Variants in RIF1 observed in about 807,000 individuals in gnomAD.
RIF1 encodes the protein telomere-associated protein RIF1.
RIF1 carries 45 observed loss-of-function variants against 247.1 expected under a neutral mutation model. The observed-to-expected ratio is 0.18, with a 90% CI of 0.14 to 0.23. The LOEUF is 0.23. Among genes scored for constraint, RIF1 ranks in the 10% least tolerant of loss-of-function variants. The pLI, the probability that RIF1 is intolerant of heterozygous loss-of-function variation, is 1.00. For missense variants in RIF1, 2,967 were observed against 2,862.5 expected, an observed-to-expected ratio of 1.04 and a Z score of -0.83; for synonymous variants, 1,087 against 978.8, an observed-to-expected ratio of 1.11 and a Z score of -2.06.
At chr2:151,457,575 C>G (rs1168446104) in intron 23 of RIF1, among the ~76,000 whole-genome samples, 186 bp from the exon 24 acceptor site, 1 of 149,588 alleles carries the variant, frequency 6.7e-6, no homozygotes, top group Non-Finnish European at 1.5e-5. Flanking sequence ...CAAAATTGAA[C>G]TGTAATATTA....
rs1264114723 is a variant in RIF1 at position 151,443,578 on chromosome 2, A to T, written c.1855A>T (p.Thr619Ser). ...SLVGCVLSGP[T>S]SPLAFSDSVL... The stretch of plus-strand genomic sequence containing the variant: ...TGTAGGCTGTGTTCTTTCTGGTCCA[A>T]CTTCACCACTAGCTTTCAGTGACTC... Residue 619 changes from threonine (T) to serine (S), a missense_variant, in exon 18 of 36, where the codon ACT (threonine) becomes TCT (serine). This residue lies in a region of RIF1 where 369 missense variants were observed against 322.0 expected (regional missense o/e 1.15). Transcript: ENST00000444746. 1.2e-6 allele frequency: 2 copies of T among 1,611,202 alleles called. No homozygotes were observed. Among genetic ancestry groups the T allele is most frequent in the Non-Finnish European group, 1.7e-6 (2 of 1,179,256 alleles).
intron 19 of RIF1, 109 bp downstream of exon 19, chr2:151,445,554 C>G (rs1195266143): frequency 1.1e-5 from 8 of 707,942 alleles, no homozygotes; most frequent in Non-Finnish European, 1.9e-5. Context: ...TTTTCTTTTT[C>G]TCTTTTTTTT....
chr2:151,462,758 A>C (rs575076369), intron 29 of RIF1, 126 bp from the exon 30 acceptor site: 4 of 675,476 alleles, frequency 5.9e-6, no homozygotes, highest in Non-Finnish European at 7.5e-6. Flanking sequence ...AATAGTTGCC[A>C]TATATTGAAT....
the RIF1 span, among the ~76,000 whole-genome samples, chr2:151,523,971 C>A: frequency 2.0e-5 from 3 of 152,284 alleles, no homozygotes; most frequent in African/African-American, 7.2e-5. Context: ...TCCCAGGTGA[C>A]TCAAGTATGA....
At chr2:151,420,557 G>A (rs970627480) in intron 7 of RIF1, among the ~76,000 whole-genome samples, 178 bp downstream of exon 7, 33 of 152,090 alleles carry the variant, frequency 2.2e-4, no homozygotes, top group African/African-American at 8.0e-4. Context: ...GCAACATAGT[G>A]AAGACCCATC....
intron 26 of RIF1, 56 bp downstream of exon 26, chr2:151,460,175 A>G: frequency 7.7e-7 from 1 of 1,297,810 alleles, no homozygotes; most frequent in Non-Finnish European, 1.0e-6. Flanking sequence ...TGTAACTTAC[A>G]TACAACTTTA....
chr2:151,513,014 TAAGA>T, the RIF1 span, among the ~76,000 whole-genome samples: 4 of 152,158 alleles, frequency 2.6e-5, no homozygotes, highest in Admixed American at 6.5e-5. Flanking sequence ...TGAGATTCAG[TAAGA>T]AAGGTCAAGT....
At chr2:151,494,099 C>G in intron 9 of RIF1, 1 of 1,364,388 alleles carries the variant, frequency 7.3e-7, no homozygotes, top group South Asian at 1.2e-5. Flanking sequence ...GGGTTAGGAG[C>G]AGGCCAAACT....
At chr2:151,440,448 C>T (rs1245846268) in intron 15 of RIF1, among the ~76,000 whole-genome samples, 1 of 152,082 alleles carries the variant, frequency 6.6e-6, no homozygotes, top group Non-Finnish European at 1.5e-5. Flanking sequence ...GACAAGATTG[C>T]TGAAAACTAC....
chr2:151,446,708 A>G (rs1327402826), intron 20 of RIF1, 133 bp downstream of exon 20: 5 of 899,504 alleles, frequency 5.6e-6, no homozygotes, highest in African/African-American at 3.4e-5. Context: ...ACTGCAAACA[A>G]GTATGCTTTG....
At chr2:151,474,113 C>T (rs1211790299) in intron 35 of RIF1, 41 bp downstream of exon 35, 4 of 913,886 alleles carry the variant, frequency 4.4e-6, no homozygotes, top group Non-Finnish European at 7.0e-6. Flanking sequence ...TTTAGAAGAT[C>T]AGCTGACTTT....
chr2:151,489,083 T>A (rs532891421), intron 9 of RIF1, among the ~76,000 whole-genome samples: 1 of 152,338 alleles, frequency 6.6e-6, no homozygotes, highest in Admixed American at 6.5e-5. Flanking sequence ...TATATTGGAA[T>A]TGAATGCATT....
chr2:151,480,127 C>T lies in RIF1; in HGVS notation c.*5056C>T, dbSNP rs1488885501. On this transcript the variant is annotated 3_prime_UTR_variant, in exon 36 of 36. Transcript: ENST00000444746. ...CCTTTCTCCAAAGAACAGTTAAAAC[C>T]AAATGTGTTATGGTAAGCTGTAAAT... 6.6e-6 allele frequency: 1 copy of T among 151,996 alleles called. No homozygotes were observed. The highest frequency in any genetic ancestry group is 1.5e-5 in the Non-Finnish European group (1 of 67,966). The allele number at this position is 151,996 out of a possible 1,614,324, so 9.4% of individuals were successfully genotyped here.
chr2:151,450,145 G>A (rs1012490678), intron 20 of RIF1, among the ~76,000 whole-genome samples: 3 of 151,696 alleles, frequency 2.0e-5, no homozygotes, highest in Non-Finnish European at 4.4e-5. Context: ...CCCAGCCTTT[G>A]ATGTCCCCCC....
At chr2:151,503,091 A>C in exon 12 of RIF1, 1 of 586,838 alleles carries the variant, frequency 1.7e-6, no homozygotes, top group Non-Finnish European at 3.0e-6. Context: ...AATGGAAAGC[A>C]TTAAGTTATA....
the RIF1 span, chr2:151,527,564 C>T: frequency 1.7e-4 from 275 of 1,612,376 alleles, no homozygotes; most frequent in Non-Finnish European, 2.0e-4. Flanking sequence ...TTGTTGGCTT[C>T]GTACTGTTTC....
intron 11 of RIF1, among the ~76,000 whole-genome samples, chr2:151,502,616 A>AACAC (rs1250194695): frequency 3.3e-5 from 5 of 152,174 alleles, no homozygotes; most frequent in Non-Finnish European, 4.4e-5. Context: ...TTTTAGAGAA[A>AACAC]ACACAGTTAA....
At chr2:151,415,015 G>A in intron 4 of RIF1, 96 bp downstream of exon 4, 3 of 757,124 alleles carry the variant, frequency 4.0e-6, no homozygotes, top group Non-Finnish European at 6.4e-6. Flanking sequence ...GTTATGTCTG[G>A]ATTAGTTTCA....
chr2:151,422,453 C>T (rs1194722066), intron 7 of RIF1, among the ~76,000 whole-genome samples: 1 of 151,776 alleles, frequency 6.6e-6, no homozygotes, highest in Admixed American at 6.6e-5. Flanking sequence ...TGTAAAAACT[C>T]ACTCGGATTT....
Sources: allele counts gnomAD v4.1 joint callset (sites outside exome capture counted in the v4.1 genomes callset), GRCh38; gene constraint gnomAD v4.1.1; regional missense constraint gnomAD v4.1.1; transcripts MANE v1.5; gene names NCBI Gene and HGNC (gene_info 2026-07-23, HGNC 2026-07-21).